Variants in TMC1 observed in about 807,000 individuals in gnomAD.
TMC1 encodes transmembrane channel-like protein 1.
A neutral mutation model predicts 105.8 loss-of-function variants in TMC1; 84 were observed. That is an observed-to-expected ratio of 0.79 (90% CI 0.67 to 0.95). The LOEUF (loss-of-function observed/expected upper bound fraction) is 0.95. Among genes scored for constraint, TMC1 ranks in the 40% least tolerant of loss-of-function variants. The pLI is 0.00. For missense variants in TMC1, 817 were observed against 914.1 expected (o/e 0.89, Z 1.37); for synonymous variants, 315 against 311.5 (o/e 1.01, Z -0.12).
intron 8 of TMC1, among the ~76,000 whole-genome samples, chr9:72,739,266 C>T (rs1827350006): frequency 6.6e-6 from 1 of 152,184 alleles, no homozygotes; most frequent in Non-Finnish European, 1.5e-5. Context: ...TAATTCCATT[C>T]ATGAGGGTTC....
intron 2 of TMC1, among the ~76,000 whole-genome samples, chr9:72,608,648 G>A (rs543114776): frequency 1.2e-3 from 186 of 151,734 alleles, no homozygotes; most frequent in African/African-American, 4.2e-3. Context: ...TGGAGGTTGC[G>A]GTGAGCCAAG....
At chr9:72,579,557 T>A (rs964606256) in intron 2 of TMC1, among the ~76,000 whole-genome samples, 2 of 152,222 alleles carry the variant, frequency 1.3e-5, no homozygotes, top group African/African-American at 4.8e-5. Context: ...CCCTCCCCTT[T>A]TTCCTGGAGC....
At chr9:72,825,079 T>C (rs185454594) in intron 20 of TMC1, among the ~76,000 whole-genome samples, 74 of 152,366 alleles carry the variant, frequency 4.9e-4, no homozygotes, top group South Asian at 2.1e-3. Flanking sequence ...CTTCTAGAGA[T>C]TGGGGATAGA....
intron 2 of TMC1, among the ~76,000 whole-genome samples, chr9:72,611,025 G>A (rs1336064296): frequency 1.3e-5 from 2 of 152,192 alleles, no homozygotes; most frequent in Non-Finnish European, 2.9e-5. Context: ...TGGGTAAATG[G>A]AAATACTAAG....
intron 1 of TMC1, among the ~76,000 whole-genome samples, chr9:72,553,930 C>G (rs930163923): frequency 6.6e-6 from 1 of 152,164 alleles, no homozygotes; most frequent in Admixed American, 6.6e-5. Flanking sequence ...AGTTTTCAAA[C>G]CAGCTGAATT....
chr9:72,604,936 T>C (rs1426849900), intron 2 of TMC1, among the ~76,000 whole-genome samples: 1 of 152,194 alleles, frequency 6.6e-6, no homozygotes, highest in Admixed American at 6.5e-5. Context: ...ATCATCAGTA[T>C]AGAAAATAGA....
chr9:72,772,673 G>GT, intron 13 of TMC1, 118 bp downstream of exon 13: 2 of 1,334,218 alleles, frequency 1.5e-6, no homozygotes, highest in Non-Finnish European at 2.1e-6. Context: ...AACAGAGTCT[G>GT]TAAGAGATGA....
intron 5 of TMC1, among the ~76,000 whole-genome samples, chr9:72,651,869 G>T (rs1180407097): frequency 6.6e-6 from 1 of 151,838 alleles, no homozygotes; most frequent in Non-Finnish European, 1.5e-5. Flanking sequence ...ACCTAAGCAG[G>T]GTACACTATG....
At chr9:72,792,728 C>T (rs1166381341) in intron 17 of TMC1, among the ~76,000 whole-genome samples, 1 of 151,924 alleles carries the variant, frequency 6.6e-6, no homozygotes, top group Non-Finnish European at 1.5e-5. Context: ...CAAAACAAAA[C>T]AAACAAACAA....
At chr9:72,648,912 C>T (rs946475240) in intron 5 of TMC1, among the ~76,000 whole-genome samples, 1 of 152,094 alleles carries the variant, frequency 6.6e-6, no homozygotes, top group African/African-American at 2.4e-5. Flanking sequence ...AAACTGACCT[C>T]GCTTTCACTC....
At chr9:72,757,020 G>A (rs565330112) in intron 12 of TMC1, among the ~76,000 whole-genome samples, 1 of 152,212 alleles carries the variant, frequency 6.6e-6, no homozygotes, top group East Asian at 1.9e-4. Flanking sequence ...ATGATTTGTC[G>A]GTCAGCAGGG....
At chr9:72,653,179 A>C (rs1196310253) in intron 5 of TMC1, among the ~76,000 whole-genome samples, 1 of 152,198 alleles carries the variant, frequency 6.6e-6, no homozygotes, top group Non-Finnish European at 1.5e-5. Context: ...TCTGGGAAGA[A>C]GGTATTGTGA....
At chr9:72,656,789 C>T (rs1825891802) in intron 5 of TMC1, among the ~76,000 whole-genome samples, 2 of 151,888 alleles carry the variant, frequency 1.3e-5, no homozygotes, top group Admixed American at 1.3e-4. Flanking sequence ...CTTTTTTTTC[C>T]CCCCTCCGGG....
At chr9:72,579,867 C>T (rs1160076122) in intron 2 of TMC1, among the ~76,000 whole-genome samples, 3 of 151,286 alleles carry the variant, frequency 2.0e-5, no homozygotes, top group East Asian at 1.9e-4. Context: ...ACCAACAATA[C>T]GAAAATTAGC....
chr9:72,594,299 A>G (rs1367455896), intron 2 of TMC1, among the ~76,000 whole-genome samples: 1 of 152,230 alleles, frequency 6.6e-6, no homozygotes, highest in Non-Finnish European at 1.5e-5. Context: ...GGCCAGTGGC[A>G]GTAAATTGTG....
intron 13 of TMC1, among the ~76,000 whole-genome samples, chr9:72,784,536 T>C (rs1828140301): frequency 6.6e-6 from 1 of 152,172 alleles, no homozygotes; most frequent in African/African-American, 2.4e-5. Context: ...ATTTGAAAAT[T>C]TCTCAAAGAA....
chr9:72,580,142 C>G (rs964806369), intron 2 of TMC1, among the ~76,000 whole-genome samples: 2 of 152,150 alleles, frequency 1.3e-5, no homozygotes, highest in African/African-American at 4.8e-5. Flanking sequence ...TGAGTGCCAT[C>G]TCAGACGTAC....
At chr9:72,813,459 A>G (rs1054030918) in intron 18 of TMC1, among the ~76,000 whole-genome samples, 1 of 152,174 alleles carries the variant, frequency 6.6e-6, no homozygotes, top group Non-Finnish European at 1.5e-5. Flanking sequence ...AACTGGTTCT[A>G]ATTTTCAACC....
At chr9:72,575,659 C>G (rs1312383086) in intron 1 of TMC1, among the ~76,000 whole-genome samples, 1 of 152,154 alleles carries the variant, frequency 6.6e-6, no homozygotes, top group Non-Finnish European at 1.5e-5. Context: ...CATTCTTGCC[C>G]AGAAGGCGAC....
Sources: allele counts gnomAD v4.1 joint callset (sites outside exome capture counted in the v4.1 genomes callset), GRCh38; gene constraint gnomAD v4.1.1; transcripts MANE v1.5; gene names NCBI Gene and HGNC (gene_info 2026-07-23, HGNC 2026-07-21).